The following NAV1 variants were observed in gnomAD, a reference collection of about 807,000 sequenced individuals.
NAV1 encodes the protein pore membrane and/or filament interacting like protein 3.
A neutral mutation model predicts 175.2 loss-of-function variants in NAV1; 18 were observed. That is an observed-to-expected ratio of 0.10 (90% CI 0.07 to 0.15). The LOEUF (loss-of-function observed/expected upper bound fraction) is 0.15, where lower values mean the gene tolerates loss of function less well. NAV1 is among the 10% of genes least tolerant of loss of function. The pLI is 1.00. For missense variants in NAV1, 1,731 were observed against 2,436.6 expected, an observed-to-expected ratio of 0.71 and a Z score of 6.10; for synonymous variants, 897 against 978.7, an observed-to-expected ratio of 0.92 and a Z score of 1.56.
At chr1:201,697,023 A>G (rs914448937) in intron 1 of NAV1, among the ~76,000 whole-genome samples, 15 of 151,774 alleles carry the variant, frequency 9.9e-5, no homozygotes, top group Non-Finnish European at 1.5e-5. Context: ...AAATGCAAAA[A>G]CTCTTCAGCA....
intron 2 of NAV1, among the ~76,000 whole-genome samples, chr1:201,631,083 G>A (rs1668468953): frequency 6.6e-6 from 1 of 152,200 alleles, no homozygotes; most frequent in African/African-American, 2.4e-5. Flanking sequence ...GGGACAGAGT[G>A]CCGGGGAACA....
At chr1:201,583,887 T>A (rs1666945899) in intron 1 of NAV1, among the ~76,000 whole-genome samples, 1 of 152,188 alleles carries the variant, frequency 6.6e-6, no homozygotes, top group South Asian at 2.1e-4. Context: ...CCAGGGAAAC[T>A]TGGATTGAGT....
At chr1:201,816,939 G>C (rs1469248440) in intron 28 of NAV1, 149 bp from the exon 33 acceptor site, 1 of 662,870 alleles carries the variant, frequency 1.5e-6, no homozygotes, top group Non-Finnish European at 2.5e-6. Flanking sequence ...CTCCCTAAAT[G>C]CTGGGATTAC....
intron 1 of NAV1, among the ~76,000 whole-genome samples, chr1:201,708,050 C>A (rs542685205): frequency 3.3e-4 from 50 of 152,216 alleles, no homozygotes; most frequent in South Asian, 6.2e-4. Context: ...TGTGTGCATG[C>A]ACCTGTCTGT....
intron 1 of NAV1, among the ~76,000 whole-genome samples, chr1:201,700,600 A>G (rs1385687538): frequency 1.3e-5 from 2 of 152,220 alleles, no homozygotes; most frequent in Admixed American, 6.5e-5. Context: ...TACCCAAAGG[A>G]TTATAAATCA....
intron 1 of NAV1, among the ~76,000 whole-genome samples, chr1:201,676,574 T>A (rs1670259945): frequency 6.6e-6 from 1 of 152,030 alleles, no homozygotes; most frequent in African/African-American, 2.4e-5. Context: ...AGGAAATAGT[T>A]TCACCCCAGT....
chr1:201,591,795 GAA>G (rs764160203), intron 2 of NAV1, among the ~76,000 whole-genome samples: 3 of 152,128 alleles, frequency 2.0e-5, no homozygotes, highest in Non-Finnish European at 4.4e-5. Flanking sequence ...GGGAAGGTGA[GAA>G]AGCTGAATCG....
chr1:201,559,428 T>C (rs891019201), intron 1 of NAV1, among the ~76,000 whole-genome samples: 3 of 152,034 alleles, frequency 2.0e-5, no homozygotes, highest in African/African-American at 7.3e-5. Flanking sequence ...TGCTTTTAAG[T>C]CTCTTGTAGG....
Position 201,810,596 on chromosome 1 carries a change from A to G in NAV1, c.4635A>G (p.Ile1545Met). ...CCAAGCCGATGATGCAGCACTACAT[A>G]AGCCTCCTGCTGAAGCACCGGCGCC... The change falls in exon 24 of 30, where the codon ATA (isoleucine) becomes ATG (methionine). Residue 1545 changes from isoleucine (I) to methionine (M), a missense_variant. By Grantham distance (10) the Ile-to-Met change is conservative. This residue lies in a region of NAV1 where 115 missense variants were observed against 269.4 expected (regional missense o/e 0.43). Transcript: ENST00000367296. The surrounding 1 kb of genome is among the most constrained non-coding windows in gnomAD (Gnocchi z 6.0). 6.2e-7 allele frequency: 1 copy of G among 1,614,004 alleles called. No homozygotes were observed. Among genetic ancestry groups the G allele is most frequent in the Non-Finnish European group, 8.5e-7 (1 of 1,179,970 alleles).
At chr1:201,820,796 CT>C (rs1055652278) in exon 30 of NAV1, 16 of 151,276 alleles carry the variant, frequency 1.1e-4, no homozygotes, top group African/African-American at 3.9e-4. Flanking sequence ...TCCCATTTGC[CT>C]ATTTATTTTT....
At position 201,699,491 on chromosome 1, in the gene NAV1, A is replaced by G. The variant is rs534151164; in HGVS notation, c.758-13326A>G. On this transcript the variant is annotated intron_variant, in intron 1 of 29. Transcript: ENST00000367296. Reference sequence around the variant, plus strand: ...CCATGCTCATGGATAGGAAGAATCAATATCCTGAAAATGGCCATACTGCCC... The same window carrying G: ...CCATGCTCATGGATAGGAAGAATCAGTATCCTGAAAATGGCCATACTGCCC... Among the ~76,000 whole-genome samples, 17 of 152,354 alleles carry G rather than the reference A, an allele frequency of 1.1e-4. No homozygotes were observed. In the East Asian group the frequency reaches 2.3e-3, roughly 21 times the overall value.
chr1:201,582,836 AG>A (rs1469135792), intron 1 of NAV1, among the ~76,000 whole-genome samples: 2 of 152,214 alleles, frequency 1.3e-5, no homozygotes, highest in African/African-American at 4.8e-5. Flanking sequence ...CTGATTGCAA[AG>A]CTGCTGGCTA....
chr1:201,772,046 C>T (rs750685356), intron 3 of NAV1, among the ~76,000 whole-genome samples: 2 of 152,120 alleles, frequency 1.3e-5, no homozygotes, highest in African/African-American at 4.8e-5. Context: ...TGAGTGAGTG[C>T]CCACTGTATA....
At chr1:201,580,829 C>T (rs950862061) in intron 1 of NAV1, among the ~76,000 whole-genome samples, 3 of 151,956 alleles carry the variant, frequency 2.0e-5, no homozygotes, top group African/African-American at 7.3e-5. Context: ...TGGGAGTCAT[C>T]GCCCTACTTG....
chr1:201,800,078 C>T (rs1456262689), intron 15 of NAV1, among the ~76,000 whole-genome samples: 2 of 152,012 alleles, frequency 1.3e-5, no homozygotes, highest in Non-Finnish European at 2.9e-5. Flanking sequence ...CAGCTCACTG[C>T]AGCCTCGATC....
In NAV1 at chr1:201,746,583, G is replaced by A. The variant is rs571727767; in HGVS notation, c.1226+27828G>A. 7.9e-5 allele frequency among the ~76,000 whole-genome samples: 12 copies of A among 152,276 alleles called. No individual in the cohort carries two copies. In the South Asian group the frequency reaches 2.5e-3, roughly 32 times the overall value. On this transcript the variant is annotated intron_variant, in intron 3 of 29. Coordinates refer to ENST00000367296, the Ensembl canonical transcript of NAV1. ...CAGTTATTGGGGAATAACAGTAGCT[G>A]GAAATAGGAAGCAAGCAAGTCAGAA...
At chr1:201,637,791 G>A (rs564025183) in intron 2 of NAV1, among the ~76,000 whole-genome samples, 2 of 152,076 alleles carry the variant, frequency 1.3e-5, no homozygotes, top group African/African-American at 2.4e-5. Context: ...TTCCCTCACC[G>A]GCCTGCAGTT....
exon 1 of NAV1, chr1:201,649,053 G>A (rs779455429): frequency 6.2e-7 from 1 of 1,613,550 alleles, no homozygotes; most frequent in Non-Finnish European, 8.5e-7. Context: ...GGGGTCCAAG[G>A]GCCGTGAAGC....
intron 3 of NAV1, among the ~76,000 whole-genome samples, chr1:201,779,412 T>C (rs1676160441): frequency 6.8e-6 from 1 of 146,992 alleles, no homozygotes; most frequent in Non-Finnish European, 1.5e-5. Context: ...GCCAACATGG[T>C]GAAACCCTGT....
Sources: gnomAD v4.1 joint callset for allele counts (sites outside exome capture counted in the v4.1 genomes callset) on GRCh38, gnomAD v4.1.1 for gene constraint, gnomAD v4.1.1 regional missense constraint, Gnocchi (gnomAD v3.1) non-coding constraint, MANE v1.5 for transcripts, NCBI Gene and HGNC (gene_info 2026-07-23, HGNC 2026-07-21) for gene names.